Variants in FGL1 observed in about 807,000 individuals in gnomAD.
FGL1 encodes fibrinogen-like protein 1.
A neutral mutation model predicts 43.7 loss-of-function variants in FGL1; 59 were observed. The observed-to-expected ratio is 1.35, with a 90% CI of 1.10 to 1.68. The LOEUF (loss-of-function observed/expected upper bound fraction) is 1.68. Among genes scored for constraint, FGL1 ranks in the 40% most tolerant of loss-of-function variants. The pLI is 0.00. For synonymous variants in FGL1, 192 were observed against 126.5 expected (o/e 1.52, Z -3.48); for missense variants, 596 against 373.0 (o/e 1.60, Z -4.92).
At chr8:17,879,493 A>G (rs2053503273) in intron 3 of FGL1, among the ~76,000 whole-genome samples, 1 of 152,098 alleles carries the variant, frequency 6.6e-6, no homozygotes, top group Non-Finnish European at 1.5e-5. Flanking sequence ...TGGAGTTGTC[A>G]TGAATGTTTT....
intron 7 of FGL1, among the ~76,000 whole-genome samples, chr8:17,865,340 T>G (rs2053255165): frequency 6.6e-6 from 1 of 152,218 alleles, no homozygotes; most frequent in Non-Finnish European, 1.5e-5. Flanking sequence ...GGCAAGGTGC[T>G]CTACTACTGG....
intron 2 of FGL1, chr8:17,882,746 AAT>A (rs1428029903): frequency 1.6e-5 from 2 of 128,590 alleles, no homozygotes; most frequent in Admixed American, 9.2e-5. Context: ...AATAATATAT[AAT>A]ATATATAATA....
In FGL1 at chr8:17,882,084, C is replaced by T; in HGVS notation, c.159G>A (p.Gln53=). The change falls in exon 3 of 8, where the codon CAG becomes CAA. Residue 53 remains glutamine, a synonymous_variant. Coordinates refer to ENST00000427924, the MANE Select transcript of FGL1 (RefSeq NM_004467.4). ...ACTGGACTTCATTCTCCTGCAAAAG[C>T]TGCTTGATCTTGACCTGTTGCTGTT... ...RVKQQQVKIK[Q]LLQENEVQFL... is the part of the protein sequence containing the mutation. 1 of 1,614,082 alleles carries T rather than the reference C, an allele frequency of 6.2e-7. No homozygotes were observed. Among genetic ancestry groups the T allele is most frequent in the Non-Finnish European group, 8.5e-7 (1 of 1,180,004 alleles).
chr8:17,869,039 A>G, intron 5 of FGL1, 35 bp from the exon 6 acceptor site: 2 of 1,346,496 alleles, frequency 1.5e-6, no homozygotes, highest in Non-Finnish European at 2.1e-6. Context: ...ATTTTTAAAA[A>G]TGTGTGACAT....
chr8:17,875,775 T>G (rs2053447619), intron 3 of FGL1, among the ~76,000 whole-genome samples: 1 of 152,008 alleles, frequency 6.6e-6, no homozygotes, highest in Admixed American at 6.6e-5. Flanking sequence ...TGGCTAATTT[T>G]TTTGTATTTT....
At chr8:17,891,642 A>G (rs1418765623) in intron 1 of FGL1, 2 of 981,424 alleles carry the variant, frequency 2.0e-6, no homozygotes, top group Non-Finnish European at 2.4e-6. Context: ...GGTACTCGAC[A>G]AAATATCTAC....
chr8:17,872,506 T>C (rs887429078), intron 5 of FGL1, among the ~76,000 whole-genome samples: 2 of 152,142 alleles, frequency 1.3e-5, no homozygotes, highest in Non-Finnish European at 2.9e-5. Flanking sequence ...TTTCACCATG[T>C]TGGCCAGGCT....
chr8:17,889,284 TTA>T (rs2053672807), intron 1 of FGL1, among the ~76,000 whole-genome samples: 1 of 152,324 alleles, frequency 6.6e-6, no homozygotes, highest in Non-Finnish European at 1.5e-5. Flanking sequence ...GCGTGGTGGC[TTA>T]CGCCTGTAAT....
At chr8:17,880,437 C>T (rs552643297) in intron 3 of FGL1, among the ~76,000 whole-genome samples, 81 of 152,282 alleles carry the variant, frequency 5.3e-4, no homozygotes, top group African/African-American at 1.8e-3. Flanking sequence ...TGTTTCTATT[C>T]CCATAAGATT....
chr8:17,891,092 C>T (rs2053698151), intron 1 of FGL1, among the ~76,000 whole-genome samples: 1 of 152,174 alleles, frequency 6.6e-6, no homozygotes, highest in Admixed American at 6.6e-5. Flanking sequence ...CCTACTCCAA[C>T]CGCCCTGTAC....
intron 7 of FGL1, among the ~76,000 whole-genome samples, chr8:17,865,539 C>T (rs909275391): frequency 1.3e-5 from 2 of 152,068 alleles, no homozygotes; most frequent in African/African-American, 4.8e-5. Context: ...TCATTTTTTC[C>T]TAGTTGCTGA....
In FGL1 at chr8:17,868,704, G is replaced by T. The variant is rs1470354896; in HGVS notation, c.623C>A (p.Ser208Tyr). 6.2e-7 allele frequency: 1 copy of T among 1,613,244 alleles called. No individual in the cohort carries two copies. The highest frequency in any genetic ancestry group is 8.5e-7 in the Non-Finnish European group (1 of 1,179,762). The change falls in exon 7 of 8, where the codon TCT (serine) becomes TAT (tyrosine). Residue 208 changes from serine (S) to tyrosine (Y), a missense_variant. Coordinates refer to ENST00000427924, the MANE Select transcript of FGL1 (RefSeq NM_004467.4). ...NFYELNIGEY[S>Y]GTAGDSLAGN... ...CGCAAGGGAATCTCCAGCTGTTCCAGAATATTCCCCAATATTCAACTCGTA... is the reference window on the plus strand; with the variant it reads ...CGCAAGGGAATCTCCAGCTGTTCCATAATATTCCCCAATATTCAACTCGTA...
At chr8:17,887,580 T>G (rs2053647766) in intron 1 of FGL1, among the ~76,000 whole-genome samples, 2 of 152,172 alleles carry the variant, frequency 1.3e-5, no homozygotes, top group East Asian at 3.8e-4. Flanking sequence ...CCGGGCGTGT[T>G]GGCTCACACC....
intron 2 of FGL1, 73 bp from the exon 3 acceptor site, chr8:17,882,252 A>C: frequency 7.4e-7 from 1 of 1,358,372 alleles, no homozygotes; most frequent in Non-Finnish European, 1.0e-6. Flanking sequence ...AAACATTTGG[A>C]TAAATCAGTG....
At chr8:17,870,898 C>T (rs1272452488) in intron 5 of FGL1, among the ~76,000 whole-genome samples, 1 of 150,940 alleles carries the variant, frequency 6.6e-6, no homozygotes, top group Non-Finnish European at 1.5e-5. Flanking sequence ...GAGTGAGACT[C>T]TGTCTCAAAA....
chr8:17,889,817 A>G (rs965429359), intron 1 of FGL1, among the ~76,000 whole-genome samples: 6 of 152,216 alleles, frequency 3.9e-5, no homozygotes, highest in African/African-American at 1.4e-4. Context: ...GAAAAATGGC[A>G]ATTTCATTGT....
rs1267936618 is a variant in FGL1 at position 17,882,127 on chromosome 8, A to C, written c.116T>G (p.Leu39Arg). Residue 39 changes from leucine to arginine, a missense_variant, in exon 3 of 8, where the codon CTG becomes CGG. Leu to Arg is a moderately radical substitution (Grantham distance 102, BLOSUM62 -2). Transcript: ENST00000427924. ...EQMRLRAQVR[L>R]LETRVKQQQV... is the part of the protein sequence containing the mutation. Reference sequence around the variant, plus strand: ...TTGCTGTTTGACCCGGGTCTCAAGCAGGCGCACCTGGGCTCTGAGCCGCAT... The same window carrying C: ...TTGCTGTTTGACCCGGGTCTCAAGCCGGCGCACCTGGGCTCTGAGCCGCAT... 1 of 1,614,046 alleles carries C rather than the reference A, an allele frequency of 6.2e-7. No individual in the cohort carries two copies. Among genetic ancestry groups the C allele is most frequent in the Admixed American group, 1.7e-5 (1 of 60,014 alleles).
At chr8:17,864,834 G>T (rs2053246116) in intron 7 of FGL1, 83 bp from the exon 8 acceptor site, 4 of 1,204,722 alleles carry the variant, frequency 3.3e-6, no homozygotes, top group Admixed American at 3.9e-5. Flanking sequence ...TGCTACAAAT[G>T]CTCAAAATTT....
rs2053404435 is a variant in FGL1 at position 17,874,000 on chromosome 8, G to A, written c.502+19C>T. ...TTTTTATTATATTTCAAATAAATCT[G>A]ACATCATTCAAACCTTACCTTGAGT... On this transcript the variant is annotated intron_variant, in intron 5 of 7. Transcript: ENST00000427924. The A allele has an allele frequency of 1.3e-6, 2 of 1,516,622 alleles. No individual in the cohort carries two copies. Among genetic ancestry groups the A allele is most frequent in the Non-Finnish European group, 1.8e-6 (2 of 1,127,230 alleles). The allele number at this position is 1,516,622 out of a possible 1,614,324, so 93.9% of individuals were successfully genotyped here. A position where few individuals can be genotyped will look rare whatever the true frequency, so the allele number is the denominator to read the frequency against.
Sources: gnomAD v4.1 joint callset for allele counts (sites outside exome capture counted in the v4.1 genomes callset) on GRCh38, gnomAD v4.1.1 for gene constraint, MANE v1.5 for transcripts, NCBI Gene and HGNC (gene_info 2026-07-23, HGNC 2026-07-21) for gene names.